The following KCNH8 variants were observed in gnomAD, a reference collection of about 807,000 sequenced individuals.
KCNH8 encodes potassium voltage-gated channel subfamily H member 8, also known as voltage-gated delayed rectifier potassium channel KCNH8.
KCNH8 carries 70 observed loss-of-function variants against 103.6 expected under a neutral mutation model. The observed-to-expected ratio is 0.68, with a 90% CI of 0.56 to 0.82. The LOEUF (loss-of-function observed/expected upper bound fraction) is 0.82, where lower values mean the gene tolerates loss of function less well. Among genes scored for constraint, KCNH8 ranks in the 40% least tolerant of loss-of-function variants. The pLI is 0.00. For missense variants in KCNH8, 1,217 were observed against 1,329.9 expected, an observed-to-expected ratio of 0.92 and a Z score of 1.32; for synonymous variants, 498 against 489.4, an observed-to-expected ratio of 1.02 and a Z score of -0.23.
chr3:19,457,277 G>C (rs1312227856), intron 11 of KCNH8, among the ~76,000 whole-genome samples: 7 of 151,942 alleles, frequency 4.6e-5, no homozygotes, highest in Non-Finnish European at 1.0e-4. Context: ...ACATTAGGTA[G>C]AGATGTGTGA....
intron 11 of KCNH8, among the ~76,000 whole-genome samples, chr3:19,503,102 C>T (rs1317633157): frequency 5.6e-4 from 85 of 151,422 alleles, no homozygotes; most frequent in African/African-American, 1.9e-3. Flanking sequence ...ACAACCCCAT[C>T]AAAAAGTGGG....
At chr3:19,226,773 G>C (rs1265579242) in intron 1 of KCNH8, among the ~76,000 whole-genome samples, 3 of 152,144 alleles carry the variant, frequency 2.0e-5, no homozygotes, top group South Asian at 2.1e-4. Flanking sequence ...CCTATAATTG[G>C]AATGGTGCCT....
At chr3:19,463,541 A>C (rs904283741) in intron 11 of KCNH8, among the ~76,000 whole-genome samples, 2 of 152,134 alleles carry the variant, frequency 1.3e-5, no homozygotes, top group Non-Finnish European at 2.9e-5. Context: ...TAGAAATATA[A>C]AAATGAAAAT....
intron 11 of KCNH8, among the ~76,000 whole-genome samples, chr3:19,472,291 T>C (rs2067877939): frequency 6.6e-6 from 1 of 151,758 alleles, no homozygotes; most frequent in Non-Finnish European, 1.5e-5. Context: ...AAAGGCACTT[T>C]ATATACCATC....
intron 1 of KCNH8, among the ~76,000 whole-genome samples, chr3:19,161,826 A>G (rs974807365): frequency 1.3e-5 from 2 of 152,316 alleles, no homozygotes; most frequent in Admixed American, 1.3e-4. Context: ...TTTTGTGTTA[A>G]TCACTATAGA....
chr3:19,350,210 A>G (rs1228171715), intron 5 of KCNH8, among the ~76,000 whole-genome samples: 1 of 152,124 alleles, frequency 6.6e-6, no homozygotes, highest in East Asian at 1.9e-4. Flanking sequence ...AAGGTGGCCT[A>G]AAAGTGATCA....
intron 3 of KCNH8, among the ~76,000 whole-genome samples, chr3:19,283,314 G>T (rs2064781540): frequency 6.6e-6 from 1 of 152,100 alleles, no homozygotes; most frequent in Non-Finnish European, 1.5e-5. Flanking sequence ...TCCAATACAT[G>T]TATTAAATTG....
At chr3:19,399,024 T>C (rs1028264608) in intron 7 of KCNH8, among the ~76,000 whole-genome samples, 2 of 151,990 alleles carry the variant, frequency 1.3e-5, no homozygotes, top group Non-Finnish European at 2.9e-5. Context: ...AATGTTTACA[T>C]AGGCTCACAA....
At position 19,318,982 on chromosome 3, in the gene KCNH8, CTCACT is replaced by C. The variant is rs2065314440; in HGVS notation, c.443-23603_443-23599del. Among the ~76,000 whole-genome samples, 4 of 151,864 alleles carry C rather than the reference CTCACT, an allele frequency of 2.6e-5. No homozygotes were observed. The South Asian group carries it at 8.3e-4, about 32-fold the overall frequency. ...GAGACTTTTCTATTCATGCCCTTAG[CTCACT>C]TTTTGATGGGATTATTTGTTTATTT... On this transcript the variant is annotated intron_variant, in intron 3 of 15. Transcript: ENST00000328405.
chr3:19,487,895 C>A (rs1057240167), intron 11 of KCNH8, among the ~76,000 whole-genome samples: 2 of 152,176 alleles, frequency 1.3e-5, no homozygotes, highest in Admixed American at 6.5e-5. Flanking sequence ...CCGTGGTAGA[C>A]AGAAAGCCTG....
intron 15 of KCNH8, among the ~76,000 whole-genome samples, chr3:19,530,647 G>A (rs1193013476): frequency 6.6e-6 from 1 of 152,130 alleles, no homozygotes; most frequent in Non-Finnish European, 1.5e-5. Context: ...TTTTAGAGAT[G>A]ACGCTATTTA....
intron 11 of KCNH8, among the ~76,000 whole-genome samples, chr3:19,488,351 T>A (rs1313050816): frequency 6.6e-6 from 1 of 152,248 alleles, no homozygotes; most frequent in Non-Finnish European, 1.5e-5. Flanking sequence ...GGTGTTCGGC[T>A]TTCTCAGCGG....
At chr3:19,411,887 A>G (rs779440120) in intron 7 of KCNH8, among the ~76,000 whole-genome samples, 169 of 152,138 alleles carry the variant, frequency 1.1e-3, no homozygotes, top group Non-Finnish European at 1.9e-3. Flanking sequence ...TGACACACAC[A>G]AATGGAAAGA....
At chr3:19,332,604 C>T (rs1033555664) in intron 3 of KCNH8, among the ~76,000 whole-genome samples, 1 of 152,022 alleles carries the variant, frequency 6.6e-6, no homozygotes, top group African/African-American at 2.4e-5. Flanking sequence ...AATTCCCAAC[C>T]TATTTTTTAG....
intron 11 of KCNH8, among the ~76,000 whole-genome samples, chr3:19,506,829 T>C (rs1310837040): frequency 1.3e-5 from 2 of 152,134 alleles, no homozygotes; most frequent in South Asian, 4.2e-4. Context: ...GGACCCAAGC[T>C]GGGGGCACCC....
At chr3:19,160,128 G>A (rs2063219798) in intron 1 of KCNH8, among the ~76,000 whole-genome samples, 2 of 152,078 alleles carry the variant, frequency 1.3e-5, no homozygotes, top group African/African-American at 4.8e-5. Flanking sequence ...CTGCATTATA[G>A]TCACTGACCA....
chr3:19,169,516 G>A (rs377005213), intron 1 of KCNH8, among the ~76,000 whole-genome samples: 5 of 152,038 alleles, frequency 3.3e-5, no homozygotes, highest in African/African-American at 7.2e-5. Flanking sequence ...AAAGTGCCGG[G>A]ATTACAGGCG....
intron 7 of KCNH8, among the ~76,000 whole-genome samples, chr3:19,423,902 G>A (rs1237729029): frequency 6.6e-6 from 1 of 152,054 alleles, no homozygotes; most frequent in African/African-American, 2.4e-5. Context: ...CCCACCAGCA[G>A]TGTAAAAGTA....
intron 3 of KCNH8, among the ~76,000 whole-genome samples, chr3:19,325,740 T>C (rs1469419496): frequency 6.6e-6 from 1 of 151,846 alleles, no homozygotes; most frequent in Non-Finnish European, 1.5e-5. Flanking sequence ...TTGGTGGGAG[T>C]GTAAATCAGT....
Sources: gnomAD v4.1 joint callset for allele counts (sites outside exome capture counted in the v4.1 genomes callset) on GRCh38, gnomAD v4.1.1 for gene constraint, MANE v1.5 for transcripts, NCBI Gene and HGNC (gene_info 2026-07-23, HGNC 2026-07-21) for gene names.